The following ZNF415 variants were observed in gnomAD, a reference collection of about 807,000 sequenced individuals.
ZNF415 encodes zinc finger protein 415.
Under a neutral mutation model 7.3 loss-of-function variants are expected in ZNF415, and 5 were observed. That is an observed-to-expected ratio of 0.69 (90% CI 0.36 to 1.44). The LOEUF is 1.44. ZNF415 is among the 40% of genes most tolerant of loss of function. ZNF415 has a pLI of 0.04. For synonymous variants in ZNF415, 207 were observed against 226.3 expected (o/e 0.91, Z 0.77); for missense variants, 628 against 664.8 (o/e 0.94, Z 0.61).
chr19:53,126,621 C>T (rs1228639109), intron 1 of ZNF415, among the ~76,000 whole-genome samples: 11 of 130,356 alleles, frequency 8.4e-5, no homozygotes, highest in African/African-American at 2.5e-4. Flanking sequence ...CCTCAATCAC[C>T]CGCCTAGGGA....
intron 1 of ZNF415, among the ~76,000 whole-genome samples, chr19:53,132,074 C>A (rs925546802): frequency 1.3e-5 from 2 of 152,132 alleles, no homozygotes; most frequent in African/African-American, 4.8e-5. Context: ...TGCTTTTTCT[C>A]GAAATGTGTC....
intron 3 of ZNF415, chr19:53,115,796 C>T (rs775675939): frequency 3.5e-5 from 54 of 1,550,152 alleles, no homozygotes; most frequent in Non-Finnish European, 4.4e-5. Flanking sequence ...CCTGTGCTCC[C>T]ACATAGGATA....
At chr19:53,127,863 G>A (rs1201516730) in intron 1 of ZNF415, among the ~76,000 whole-genome samples, 5 of 132,836 alleles carry the variant, frequency 3.8e-5, no homozygotes, top group African/African-American at 5.9e-5. Flanking sequence ...CCAACAGAGC[G>A]AGACACCGTC....
chr19:53,117,335 G>A (rs1384249033), intron 2 of ZNF415, among the ~76,000 whole-genome samples: 1 of 152,098 alleles, frequency 6.6e-6, no homozygotes, highest in East Asian at 1.9e-4. Flanking sequence ...CAGCTACTCG[G>A]GAGGCTGAGG....
chr19:53,130,066 C>CAAAAAAAAA (rs11314090), intron 1 of ZNF415, among the ~76,000 whole-genome samples: 1 of 123,458 alleles, frequency 8.1e-6, no homozygotes, highest in African/African-American at 3.0e-5. Context: ...CTCCAGCTCA[C>CAAAAAAAAA]AAAAAAAAAA....
At position 53,109,233 on chromosome 19, in the gene ZNF415, G is replaced by A. The variant is rs2085854408; in HGVS notation, c.812C>T (p.Pro271Leu). ...RHWRVHTGEK[P>L]YKCNECDRSF... Reference sequence around the variant, plus strand: ...TCTGTCACATTCATTACATTTGTATGGTTTCTCTCCAGTATGAACTCTCCA... The same window carrying A: ...TCTGTCACATTCATTACATTTGTATAGTTTCTCTCCAGTATGAACTCTCCA... Residue 271 changes from proline to leucine, a missense_variant, in exon 4 of 4, where the codon CCA becomes CTA. Transcript: ENST00000243643. 6.2e-7 allele frequency: 1 copy of A among 1,614,016 alleles called. No individual in the cohort carries two copies. The highest frequency in any genetic ancestry group is 8.5e-7 in the Non-Finnish European group (1 of 1,180,026).
intron 1 of ZNF415, among the ~76,000 whole-genome samples, chr19:53,126,137 G>A (rs2089048791): frequency 1.3e-5 from 2 of 151,662 alleles, no homozygotes; most frequent in Non-Finnish European, 2.9e-5. Flanking sequence ...GGACTGATGT[G>A]TGCAGGGGTC....
chr19:53,109,521 A>C lies in ZNF415; in HGVS notation c.524T>G (p.Val175Gly). 2 of 1,614,018 alleles carry C rather than the reference A, an allele frequency of 1.2e-6. No homozygotes were observed. Among genetic ancestry groups the C allele is most frequent in the Non-Finnish European group, 1.7e-6 (2 of 1,179,968 alleles). ...VEKSVNHGSS[V>G]SPPQIISSTI... is the part of the protein sequence containing the mutation. ...AGAAGAAATTATTTGGGGTGGTGAA[A>C]CTGAGGAACCATGGTTGACAGACTT... is the stretch of plus-strand genomic sequence containing the variant. The change falls in exon 4 of 4, where the codon GTT (valine) becomes GGT (glycine). Residue 175 changes from valine to glycine, a missense_variant. Coordinates refer to ENST00000243643, the MANE Select transcript of ZNF415 (RefSeq NM_018355.4).
chr19:53,124,990 T>C (rs539450118), intron 1 of ZNF415, among the ~76,000 whole-genome samples: 6 of 152,162 alleles, frequency 3.9e-5, no homozygotes, highest in African/African-American at 1.4e-4. Context: ...GAGAAACAAA[T>C]GATTTAGTGC....
intron 2 of ZNF415, among the ~76,000 whole-genome samples, chr19:53,121,349 C>T (rs1374158701): frequency 1.3e-5 from 2 of 148,826 alleles, no homozygotes; most frequent in African/African-American, 2.5e-5. Flanking sequence ...CGAGCCACTG[C>T]ACTCCAGCAT....
At chr19:53,124,615 T>C (rs929562543) in intron 1 of ZNF415, among the ~76,000 whole-genome samples, 4 of 152,136 alleles carry the variant, frequency 2.6e-5, no homozygotes, top group Non-Finnish European at 5.9e-5. Flanking sequence ...TCTGAGGCTA[T>C]GAGTGGGGCT....
intron 3 of ZNF415, 131 bp from the exon 4 acceptor site, chr19:53,110,039 C>A: frequency 1.4e-6 from 1 of 693,106 alleles, no homozygotes; most frequent in Non-Finnish European, 2.2e-6. Flanking sequence ...CAATCATGAT[C>A]TTTAATTTTT....
intron 1 of ZNF415, among the ~76,000 whole-genome samples, chr19:53,127,614 C>A (rs1344772521): frequency 6.6e-6 from 1 of 152,134 alleles, no homozygotes; most frequent in African/African-American, 2.4e-5. Context: ...CGTGGTGGCT[C>A]CCACCTGTAA....
chr19:53,129,733 A>G, intron 1 of ZNF415: 1 of 398,004 alleles, frequency 2.5e-6, no homozygotes, highest in Non-Finnish European at 4.4e-6. Context: ...TGGAAGGGCC[A>G]ATGGGCTGTG....
intron 2 of ZNF415, among the ~76,000 whole-genome samples, chr19:53,118,830 A>T (rs1416068166): frequency 6.6e-6 from 1 of 152,194 alleles, no homozygotes; most frequent in Non-Finnish European, 1.5e-5. Context: ...AGTAATAAAC[A>T]CCTACTTGGA....
chr19:53,122,693 C>G lies in ZNF415; in HGVS notation c.-17G>C, dbSNP rs1400068983. ...AAAAGCCATTCCTGACTCCTTTGCT[C>G]TCCTCTTCTGGGTTTCTTCCTCATG... is the stretch of plus-strand genomic sequence containing the variant. On this transcript the variant is annotated 5_prime_UTR_variant, in exon 2 of 4. Coordinates refer to ENST00000243643, the MANE Select transcript of ZNF415 (RefSeq NM_018355.4). The G allele has an allele frequency of 1.9e-6, 3 of 1,614,000 alleles. No homozygotes were observed. Among genetic ancestry groups the G allele is most frequent in the Non-Finnish European group, 2.5e-6 (3 of 1,180,018 alleles).
At chr19:53,116,609 C>CT (rs1410295819) in intron 2 of ZNF415, among the ~76,000 whole-genome samples, 176 bp from the exon 3 acceptor site, 1 of 81,118 alleles carries the variant, frequency 1.2e-5, no homozygotes, top group Admixed American at 1.6e-4. Context: ...GGTTTTTTTT[C>CT]TCTCTTTTTT....
At chr19:53,129,518 AC>A in intron 1 of ZNF415, 1 of 403,312 alleles carries the variant, frequency 2.5e-6, no homozygotes. Context: ...CCCACATACA[AC>A]TGCCAAACAC....
intron 3 of ZNF415, among the ~76,000 whole-genome samples, chr19:53,111,006 A>G (rs2086150992): frequency 6.6e-6 from 1 of 152,368 alleles, no homozygotes. Flanking sequence ...AACGAATTGA[A>G]AATAAAATCA....
Sources: allele counts gnomAD v4.1 joint callset (sites outside exome capture counted in the v4.1 genomes callset), GRCh38; gene constraint gnomAD v4.1.1; transcripts MANE v1.5; gene names NCBI Gene and HGNC (gene_info 2026-07-23, HGNC 2026-07-21).